The following IGSF11 variants were observed in gnomAD, a reference collection of about 807,000 sequenced individuals.
The protein encoded by IGSF11 is CXADR like 1.
IGSF11 carries 22 observed loss-of-function variants against 41.0 expected under a neutral mutation model. The observed-to-expected ratio is 0.54, with a 90% CI of 0.38 to 0.77. The LOEUF is 0.77. Among genes scored for constraint, IGSF11 ranks in the 30% least tolerant of loss-of-function variants. The probability of loss-of-function intolerance (pLI) is 0.00; values close to 1 mark genes in which losing one functional copy is unlikely to be tolerated. For missense variants in IGSF11, 444 were observed against 530.8 expected (o/e 0.84, Z 1.61); for synonymous variants, 219 against 201.3 (o/e 1.09, Z -0.74).
chr3:118,909,494 CT>C (rs1473118503), intron 4 of IGSF11, among the ~76,000 whole-genome samples: 1 of 152,100 alleles, frequency 6.6e-6, no homozygotes, highest in Non-Finnish European at 1.5e-5. Flanking sequence ...ATCACAAATA[CT>C]TAATATCAAA....
At chr3:119,002,349 T>C (rs1304305762) in intron 1 of IGSF11, among the ~76,000 whole-genome samples, 1 of 151,314 alleles carries the variant, frequency 6.6e-6, no homozygotes, top group African/African-American at 2.4e-5. Flanking sequence ...TTTGTTTGAG[T>C]TCTTTGTAGA....
intron 1 of IGSF11, among the ~76,000 whole-genome samples, chr3:119,076,259 T>A (rs2076497348): frequency 6.6e-6 from 1 of 152,144 alleles, no homozygotes; most frequent in Admixed American, 6.6e-5. Flanking sequence ...CAAACATTAA[T>A]TCAAGATGAA....
At chr3:119,091,497 A>G (rs772709441) in intron 1 of IGSF11, among the ~76,000 whole-genome samples, 2 of 152,266 alleles carry the variant, frequency 1.3e-5, no homozygotes, top group Non-Finnish European at 2.9e-5. Context: ...AATGTGATAC[A>G]TATACACCAT....
chr3:118,914,157 A>T (rs1000477301), intron 4 of IGSF11, among the ~76,000 whole-genome samples: 1 of 152,192 alleles, frequency 6.6e-6, no homozygotes, highest in Non-Finnish European at 1.5e-5. Flanking sequence ...AGTAGAGGAG[A>T]AAAAATATTA....
At chr3:119,000,670 T>C (rs1936730343) in intron 1 of IGSF11, among the ~76,000 whole-genome samples, 1 of 152,176 alleles carries the variant, frequency 6.6e-6, no homozygotes, top group Non-Finnish European at 1.5e-5. Flanking sequence ...TCTGAATTAT[T>C]CCAGTAGTGT....
chr3:119,041,825 T>C (rs972365046), intron 1 of IGSF11, among the ~76,000 whole-genome samples: 1 of 152,100 alleles, frequency 6.6e-6, no homozygotes, highest in African/African-American at 2.4e-5. Flanking sequence ...AAAATAAAAC[T>C]CTAGCTCCAG....
chr3:119,029,275 C>CACACA (rs1553716797), intron 1 of IGSF11, among the ~76,000 whole-genome samples: 1,880 of 145,412 alleles, frequency 0.013, 25 homozygotes, highest in Middle Eastern at 0.024. Context: ...CACACACACA[C>CACACA]CCGAGAGAGA....
chr3:119,128,769 A>C (rs1298908889), intron 1 of IGSF11, among the ~76,000 whole-genome samples: 2 of 152,202 alleles, frequency 1.3e-5, no homozygotes, highest in Admixed American at 1.3e-4. Flanking sequence ...TTCCTCAAGA[A>C]TCTAGAACCA....
intron 1 of IGSF11, among the ~76,000 whole-genome samples, chr3:119,045,394 G>A (rs1419977353): frequency 1.3e-5 from 2 of 152,232 alleles, no homozygotes; most frequent in Non-Finnish European, 1.5e-5. Context: ...AACGGCACCT[G>A]GAAAATCGGG....
chr3:119,114,320 T>G (rs977848269), intron 1 of IGSF11, among the ~76,000 whole-genome samples: 2 of 152,354 alleles, frequency 1.3e-5, no homozygotes, highest in Middle Eastern at 3.4e-3. Flanking sequence ...TGTTACCCTT[T>G]TAAATATAAG....
At chr3:119,000,404 C>T (rs1414402992) in intron 1 of IGSF11, among the ~76,000 whole-genome samples, 1 of 151,486 alleles carries the variant, frequency 6.6e-6, no homozygotes, top group Non-Finnish European at 1.5e-5. Flanking sequence ...TAAGAGATTG[C>T]TCAGAGTTTG....
At chr3:119,064,092 C>T (rs1942142798) in intron 1 of IGSF11, among the ~76,000 whole-genome samples, 1 of 152,106 alleles carries the variant, frequency 6.6e-6, no homozygotes, top group Admixed American at 6.5e-5. Context: ...AACTGGTGTG[C>T]AAGAGGAACC....
chr3:119,079,469 A>C (rs936618121), intron 1 of IGSF11, among the ~76,000 whole-genome samples: 2 of 152,232 alleles, frequency 1.3e-5, no homozygotes, highest in Non-Finnish European at 2.9e-5. Context: ...TGTGGAAAGC[A>C]GTTTGGAGAT....
chr3:119,038,560 G>A (rs76362393), upstream of IGSF11, among the ~76,000 whole-genome samples: 3 of 152,224 alleles, frequency 2.0e-5, no homozygotes, highest in South Asian at 2.1e-4. Flanking sequence ...ACATTGTAAC[G>A]AAATGCTACT....
chr3:118,938,210 G>A (rs1943425295), intron 1 of IGSF11, among the ~76,000 whole-genome samples: 1 of 152,196 alleles, frequency 6.6e-6, no homozygotes, highest in Non-Finnish European at 1.5e-5. Context: ...TCTTCAGCAA[G>A]TTTCCTATTA....
At chr3:119,045,918 C>A (rs539986424) in intron 1 of IGSF11, among the ~76,000 whole-genome samples, 87 of 152,068 alleles carry the variant, frequency 5.7e-4, no homozygotes, top group African/African-American at 1.9e-3. Context: ...CTCCAACAGA[C>A]CTGCAGCTGA....
chr3:119,062,042 G>A (rs1273237042), intron 1 of IGSF11, among the ~76,000 whole-genome samples: 1 of 152,022 alleles, frequency 6.6e-6, no homozygotes, highest in African/African-American at 2.4e-5. Context: ...TATAAAAATG[G>A]AATATAATTC....
At chr3:119,022,038 C>T (rs955744853) in intron 1 of IGSF11, among the ~76,000 whole-genome samples, 1 of 151,904 alleles carries the variant, frequency 6.6e-6, no homozygotes, top group African/African-American at 2.4e-5. Flanking sequence ...CCCAAGTATC[C>T]GTCAACAGAG....
At chr3:119,119,236 A>G (rs1273406121) in intron 1 of IGSF11, among the ~76,000 whole-genome samples, 1 of 152,202 alleles carries the variant, frequency 6.6e-6, no homozygotes, top group African/African-American at 2.4e-5. Context: ...GGTAATTTAC[A>G]CAGGAAAAAG....
Sources: gnomAD v4.1 joint callset for allele counts (sites outside exome capture counted in the v4.1 genomes callset) on GRCh38, gnomAD v4.1.1 for gene constraint, MANE v1.5 for transcripts, NCBI Gene and HGNC (gene_info 2026-07-23, HGNC 2026-07-21) for gene names.